Variants in HMGCLL1 observed in about 807,000 individuals in gnomAD.
HMGCLL1 encodes the protein 3-hydroxymethyl-3-methylglutaryl-CoA lyase, cytoplasmic.
HMGCLL1 carries 36 observed loss-of-function variants against 39.1 expected under a neutral mutation model. The observed-to-expected ratio is 0.92, with a 90% CI of 0.71 to 1.22. The LOEUF (loss-of-function observed/expected upper bound fraction) is 1.22, where lower values mean the gene tolerates loss of function less well. Ranked by LOEUF, HMGCLL1 falls within the 50% of genes most tolerant of loss-of-function variation. The pLI, the probability that HMGCLL1 is intolerant of heterozygous loss-of-function variation, is 0.00. For missense variants in HMGCLL1, 451 were observed against 416.5 expected (o/e 1.08, Z -0.72); for synonymous variants, 149 against 144.0 (o/e 1.03, Z -0.25).
chr6:55,503,794 A>G (rs1416439687), intron 5 of HMGCLL1, among the ~76,000 whole-genome samples: 2 of 151,654 alleles, frequency 1.3e-5, no homozygotes, highest in Non-Finnish European at 3.0e-5. Context: ...CTGCTAAGTC[A>G]CTTGATGGTC....
intron 8 of HMGCLL1, among the ~76,000 whole-genome samples, chr6:55,438,071 T>C (rs1221482021): frequency 6.6e-6 from 1 of 151,946 alleles, no homozygotes; most frequent in Non-Finnish European, 1.5e-5. Flanking sequence ...GACTCCAGAG[T>C]TATGGAACAT....
chr6:55,582,615 C>T (rs937084570), upstream of HMGCLL1, among the ~76,000 whole-genome samples: 1 of 152,020 alleles, frequency 6.6e-6, no homozygotes, highest in African/African-American at 2.4e-5. Flanking sequence ...CATGTTTCCC[C>T]AAGTTTTAGG....
the HMGCLL1 span, among the ~76,000 whole-genome samples, chr6:55,672,921 A>G: frequency 6.6e-6 from 1 of 151,884 alleles, no homozygotes; most frequent in Non-Finnish European, 1.5e-5. Context: ...CTAATATTGG[A>G]ATTTTTTCTT....
At chr6:55,638,011 A>T in the HMGCLL1 span, among the ~76,000 whole-genome samples, 12 of 152,154 alleles carry the variant, frequency 7.9e-5, no homozygotes, top group African/African-American at 2.9e-4. Context: ...TGATCTAAAT[A>T]GCTGTGACCC....
intron 3 of HMGCLL1, among the ~76,000 whole-genome samples, chr6:55,525,008 A>ATTTT (rs1768242090): frequency 6.6e-6 from 1 of 151,452 alleles, no homozygotes; most frequent in African/African-American, 2.4e-5. Flanking sequence ...CTGTTATAGA[A>ATTTT]GTACAAAAAA....
At chr6:55,602,868 T>C in the HMGCLL1 span, among the ~76,000 whole-genome samples, 1 of 152,124 alleles carries the variant, frequency 6.6e-6, no homozygotes, top group Non-Finnish European at 1.5e-5. Flanking sequence ...ACATTTCTTG[T>C]TTAAAGGCAT....
At chr6:55,505,093 T>C (rs1488722159) in intron 5 of HMGCLL1, among the ~76,000 whole-genome samples, 1 of 151,650 alleles carries the variant, frequency 6.6e-6, no homozygotes, top group Non-Finnish European at 1.5e-5. Flanking sequence ...CATTTTTTAA[T>C]AGTCTGTAAA....
the HMGCLL1 span, among the ~76,000 whole-genome samples, chr6:55,615,402 T>C: frequency 2.6e-4 from 40 of 152,220 alleles, no homozygotes; most frequent in East Asian, 7.2e-3. Flanking sequence ...CTGCAGAAGA[T>C]TTCAAGGCTC....
chr6:55,539,890 GAAAGAAA>G (rs1561946749), intron 3 of HMGCLL1, among the ~76,000 whole-genome samples: 122 of 139,166 alleles, frequency 8.8e-4, no homozygotes, highest in African/African-American at 3.2e-3. Flanking sequence ...AAGAAAGAAA[GAAAGAAA>G]GAAAGAAAGA....
intron 7 of HMGCLL1, among the ~76,000 whole-genome samples, chr6:55,478,429 A>C (rs1215933647): frequency 6.6e-6 from 1 of 151,526 alleles, no homozygotes; most frequent in African/African-American, 2.4e-5. Flanking sequence ...GTATATATGA[A>C]TAATCCTACA....
the HMGCLL1 span, among the ~76,000 whole-genome samples, chr6:55,597,405 C>G: frequency 6.6e-6 from 1 of 151,760 alleles, no homozygotes; most frequent in South Asian, 2.1e-4. Flanking sequence ...AACATAGCTT[C>G]TTGCATAACA....
At chr6:55,554,609 G>A (rs944563155) in intron 1 of HMGCLL1, among the ~76,000 whole-genome samples, 5 of 151,930 alleles carry the variant, frequency 3.3e-5, no homozygotes, top group African/African-American at 1.2e-4. Context: ...ATAATATTTG[G>A]GACATTCAAA....
At chr6:55,609,592 C>T in the HMGCLL1 span, among the ~76,000 whole-genome samples, 1 of 152,118 alleles carries the variant, frequency 6.6e-6, no homozygotes. Flanking sequence ...CTTAGTCTTT[C>T]CTCCTGCAAG....
intron 6 of HMGCLL1, 147 bp downstream of exon 6, chr6:55,499,089 A>T: frequency 1.8e-6 from 1 of 552,440 alleles, no homozygotes; most frequent in Non-Finnish European, 3.2e-6. Flanking sequence ...TGAAACTATT[A>T]GTTAAGTGAT....
intron 6 of HMGCLL1, 45 bp from the exon 7 acceptor site, chr6:55,495,652 G>C (rs1161089286): frequency 7.0e-7 from 1 of 1,435,728 alleles, no homozygotes; most frequent in Non-Finnish European, 9.4e-7. Context: ...GAAATGAAGA[G>C]ACTCAAACCC....
chr6:55,493,142 C>T (rs72972026), intron 7 of HMGCLL1, among the ~76,000 whole-genome samples: 1,521 of 152,038 alleles, frequency 0.01, 12 homozygotes, highest in Non-Finnish European at 0.017. Context: ...TGCAGTGCTA[C>T]TAACCCATAA....
At chr6:55,618,240 A>G in the HMGCLL1 span, among the ~76,000 whole-genome samples, 2 of 151,812 alleles carry the variant, frequency 1.3e-5, no homozygotes, top group Admixed American at 1.3e-4. Flanking sequence ...GACCTGGGAG[A>G]TATTATGTGG....
intron 7 of HMGCLL1, among the ~76,000 whole-genome samples, chr6:55,474,805 T>C (rs1332738202): frequency 6.6e-6 from 1 of 151,638 alleles, no homozygotes; most frequent in Admixed American, 6.6e-5. Context: ...TTGCATTTAA[T>C]GTTTGCTGCA....
the HMGCLL1 span, among the ~76,000 whole-genome samples, chr6:55,610,222 AT>A: frequency 6.6e-5 from 10 of 152,108 alleles, no homozygotes; most frequent in Non-Finnish European, 1.3e-4. Context: ...AAGGTGAGTA[AT>A]AACAAACTTT....
Sources: gnomAD v4.1 joint callset for allele counts (sites outside exome capture counted in the v4.1 genomes callset) on GRCh38, gnomAD v4.1.1 for gene constraint, MANE v1.5 for transcripts, NCBI Gene and HGNC (gene_info 2026-07-23, HGNC 2026-07-21) for gene names.